TCHP: variants seen among roughly 807,000 people sequenced by gnomAD.
TCHP encodes trichoplein keratin filament binding, also known as trichoplein keratin filament-binding protein.
Under a neutral mutation model 88.7 loss-of-function variants are expected in TCHP, and 81 were observed. That is an observed-to-expected ratio of 0.91 (90% CI 0.76 to 1.10). The LOEUF is 1.10. TCHP is among the 50% of genes least tolerant of loss of function. The pLI is 0.00. For missense variants in TCHP, 641 were observed against 632.1 expected, an observed-to-expected ratio of 1.01 and a Z score of -0.15; for synonymous variants, 232 against 232.5, an observed-to-expected ratio of 1.00 and a Z score of 0.02.
At chr12:109,892,006 T>G in the TCHP span, among the ~76,000 whole-genome samples, 1 of 152,038 alleles carries the variant, frequency 6.6e-6, no homozygotes, top group Non-Finnish European at 1.5e-5. Context: ...AAGGTTTCAG[T>G]AGAAACCTTG....
the TCHP span, among the ~76,000 whole-genome samples, chr12:109,893,697 G>A: frequency 6.6e-6 from 1 of 152,184 alleles, no homozygotes; most frequent in African/African-American, 2.4e-5. Flanking sequence ...CGGGAGGGGT[G>A]AGCATTGAGT....
At chr12:109,885,771 G>A in the TCHP span, among the ~76,000 whole-genome samples, 3 of 150,292 alleles carry the variant, frequency 2.0e-5, no homozygotes, top group East Asian at 1.9e-4. Context: ...GTGAGACACC[G>A]CACCCCGCCT....
In TCHP at chr12:109,914,476, A is replaced by T. The variant is rs1463547090; in HGVS notation, c.1169A>T (p.Lys390Met). ...GGGAGACAACAGCAAATACAAGAGAAGATTGAGCAGAACCGACGGGCACAA... is the reference window on the plus strand; with the variant it reads ...GGGAGACAACAGCAAATACAAGAGATGATTGAGCAGAACCGACGGGCACAA... The part of the protein sequence containing the change: ...LTGRQQQIQE[K>M]IEQNRRAQEE... Residue 390 changes from lysine to methionine, a missense_variant, in exon 11 of 13, where the codon AAG becomes ATG. Physicochemically the swap from Lys to Met is moderately conservative, Grantham distance 95. Coordinates refer to ENST00000405876, the MANE Select transcript of TCHP (RefSeq NM_001143852.2). The T allele has an allele frequency of 1.2e-6, 2 of 1,613,968 alleles. No homozygotes were observed. Among genetic ancestry groups the T allele is most frequent in the Middle Eastern group, 1.7e-4 (1 of 6,060 alleles).
Position 109,903,241 on chromosome 12 carries a change from A to G in TCHP, c.188+27A>G. On this transcript the variant is annotated intron_variant, in intron 2 of 12. Coordinates refer to ENST00000405876, the MANE Select transcript of TCHP (RefSeq NM_001143852.2). This position sits in a 1 kb window ranked among gnomAD's most constrained non-coding sequence, Gnocchi z 4.6. Reference sequence around the variant, plus strand: ...TAATTGTGCGGTAACTGCCGATTGGATGGAAGTGGGGACCACTTGCTGGTC... The same window carrying G: ...TAATTGTGCGGTAACTGCCGATTGGGTGGAAGTGGGGACCACTTGCTGGTC... 1.3e-6 allele frequency: 2 copies of G among 1,591,390 alleles called. No homozygotes were observed. Among genetic ancestry groups the G allele is most frequent in the Non-Finnish European group, 1.7e-6 (2 of 1,163,862 alleles).
At chr12:109,901,345 CT>C (rs151079579) in intron 1 of TCHP, among the ~76,000 whole-genome samples, 3 of 152,128 alleles carry the variant, frequency 2.0e-5, no homozygotes, top group Non-Finnish European at 2.9e-5. Flanking sequence ...CTTTTAGACT[CT>C]TTTTTTCCCC....
At chr12:109,890,190 C>A in the TCHP span, among the ~76,000 whole-genome samples, 1 of 152,038 alleles carries the variant, frequency 6.6e-6, no homozygotes, top group East Asian at 1.9e-4. Flanking sequence ...TCTAAGGAAG[C>A]CTGACTGTGT....
At chr12:109,895,066 G>A in the TCHP span, among the ~76,000 whole-genome samples, 1 of 152,148 alleles carries the variant, frequency 6.6e-6, no homozygotes, top group Non-Finnish European at 1.5e-5. Flanking sequence ...AATGGACTAT[G>A]TCAAGGGTTG....
chr12:109,912,351 G>A (rs1265587040), intron 9 of TCHP, among the ~76,000 whole-genome samples: 6 of 152,304 alleles, frequency 3.9e-5, no homozygotes, highest in Non-Finnish European at 7.3e-5. Context: ...AGTGACACAG[G>A]CATGCGGTGG....
the TCHP span, among the ~76,000 whole-genome samples, chr12:109,891,628 T>C: frequency 6.6e-6 from 1 of 152,078 alleles, no homozygotes; most frequent in African/African-American, 2.4e-5. Context: ...CTTGAATTTC[T>C]GACCTCAAGT....
intron 10 of TCHP, among the ~76,000 whole-genome samples, chr12:109,913,462 C>G (rs1471210793): frequency 6.6e-6 from 1 of 152,170 alleles, no homozygotes; most frequent in Non-Finnish European, 1.5e-5. Context: ...CTCTGTCACC[C>G]GCTGCCTTTC....
intron 9 of TCHP, among the ~76,000 whole-genome samples, chr12:109,911,940 C>T (rs909302447): frequency 5.3e-5 from 8 of 151,910 alleles, no homozygotes; most frequent in African/African-American, 1.2e-4. Context: ...GGATTACAGG[C>T]GCCCGCCACC....
At chr12:109,906,019 C>T (rs1178525322) in intron 4 of TCHP, among the ~76,000 whole-genome samples, 1 of 152,156 alleles carries the variant, frequency 6.6e-6, no homozygotes, top group Non-Finnish European at 1.5e-5. Context: ...AAACAGTTTC[C>T]CAAACAAAAG....
chr12:109,896,092 A>G (rs11068808), upstream of TCHP, among the ~76,000 whole-genome samples: 22,770 of 152,090 alleles, frequency 0.15, 2,788 homozygotes, highest in African/African-American at 0.34. Flanking sequence ...GACTACAGGC[A>G]CGCACTACCA....
chr12:109,907,493 G>C, intron 5 of TCHP, 33 bp from the exon 6 acceptor site: 1 of 1,599,878 alleles, frequency 6.3e-7, no homozygotes, highest in Non-Finnish European at 8.5e-7. Context: ...TTACGGTACA[G>C]ATATTGACCT....
At chr12:109,886,779 G>A in the TCHP span, among the ~76,000 whole-genome samples, 1 of 151,946 alleles carries the variant, frequency 6.6e-6, no homozygotes, top group Non-Finnish European at 1.5e-5. Flanking sequence ...CATAATCTTG[G>A]CTCACTGCAC....
At chr12:109,887,754 TG>T in the TCHP span, 1 of 152,478 alleles carries the variant, frequency 6.6e-6, no homozygotes, top group Admixed American at 6.6e-5. Context: ...TTATTCCATT[TG>T]GGATCTGACA....
intron 6 of TCHP, among the ~76,000 whole-genome samples, 167 bp from the exon 7 acceptor site, chr12:109,908,419 C>G (rs760135436): frequency 3.9e-5 from 6 of 152,162 alleles, no homozygotes; most frequent in Non-Finnish European, 8.8e-5. Context: ...GGAAATGGCT[C>G]AGAGGGGATT....
chr12:109,911,611 C>CA (rs1209414114), intron 9 of TCHP, among the ~76,000 whole-genome samples: 2,035 of 44,840 alleles, frequency 0.045, 74 homozygotes, highest in African/African-American at 0.084. Flanking sequence ...GACTCTGTCT[C>CA]AAAAAAAAAA....
At position 109,916,793 on chromosome 12, in the gene TCHP, T is replaced by C; in HGVS notation, c.*170T>C. 1 of 656,998 alleles carries C rather than the reference T, an allele frequency of 1.5e-6. No homozygotes were observed. Among genetic ancestry groups the C allele is most frequent in the Non-Finnish European group, 2.6e-6 (1 of 381,482 alleles). The allele number at this position is 656,998 out of a possible 1,614,324, so 40.7% of individuals were successfully genotyped here. On this transcript the variant is annotated 3_prime_UTR_variant, in exon 13 of 13. Coordinates refer to ENST00000405876, the MANE Select transcript of TCHP (RefSeq NM_001143852.2). ...AAACATCCCAGTGTTTGGCCAGACA[T>C]TAAGGTGTCGTGAGAGTCCCTTTCA...
Sources: gnomAD v4.1 joint callset for allele counts (sites outside exome capture counted in the v4.1 genomes callset) on GRCh38, gnomAD v4.1.1 for gene constraint, Gnocchi (gnomAD v3.1) non-coding constraint, MANE v1.5 for transcripts, NCBI Gene and HGNC (gene_info 2026-07-23, HGNC 2026-07-21) for gene names.